The following NELL1 variants were observed in gnomAD, a reference collection of about 807,000 sequenced individuals.
NELL1 encodes the protein protein kinase C-binding protein NELL1.
NELL1 carries 76 observed loss-of-function variants against 107.4 expected under a neutral mutation model. The observed-to-expected ratio is 0.71, with a 90% CI of 0.59 to 0.86. The LOEUF (loss-of-function observed/expected upper bound fraction) is 0.86, where lower values mean the gene tolerates loss of function less well. Among genes scored for constraint, NELL1 ranks in the 40% least tolerant of loss-of-function variants. The probability of loss-of-function intolerance (pLI) is 0.00; values close to 1 mark genes in which losing one functional copy is unlikely to be tolerated. For synonymous variants in NELL1, 353 were observed against 341.2 expected, an observed-to-expected ratio of 1.03 and a Z score of -0.38; for missense variants, 1,024 against 1,005.5, an observed-to-expected ratio of 1.02 and a Z score of -0.25.
At chr11:21,571,353 C>T (rs1453243404) in intron 18 of NELL1, among the ~76,000 whole-genome samples, 1 of 151,774 alleles carries the variant, frequency 6.6e-6, no homozygotes, top group Non-Finnish European at 1.5e-5. Context: ...GAGATTTAAT[C>T]ATAGAGACCT....
chr11:20,921,924 T>A (rs191101611), intron 7 of NELL1, among the ~76,000 whole-genome samples: 1 of 152,126 alleles, frequency 6.6e-6, no homozygotes, highest in Admixed American at 6.6e-5. Context: ...ACCAGATTGC[T>A]CAGAATCAGA....
intron 3 of NELL1, among the ~76,000 whole-genome samples, chr11:20,814,235 C>T (rs945042808): frequency 6.6e-6 from 1 of 152,176 alleles, no homozygotes; most frequent in Non-Finnish European, 1.5e-5. Context: ...ACCTCGTGAT[C>T]CGCCCGCCTC....
At chr11:21,019,492 G>T (rs1043698198) in intron 12 of NELL1, among the ~76,000 whole-genome samples, 1 of 151,978 alleles carries the variant, frequency 6.6e-6, no homozygotes, top group East Asian at 1.9e-4. Flanking sequence ...TCGAATTAGG[G>T]GCTATGTGTA....
chr11:21,110,916 C>T (rs574882593), intron 12 of NELL1, among the ~76,000 whole-genome samples: 46 of 152,224 alleles, frequency 3.0e-4, no homozygotes, highest in African/African-American at 8.9e-4. Flanking sequence ...CAAGGCCTGC[C>T]GGAATCTAAA....
chr11:21,005,565 G>T (rs999237561), intron 12 of NELL1, among the ~76,000 whole-genome samples: 1 of 152,134 alleles, frequency 6.6e-6, no homozygotes. Flanking sequence ...TTATAAATGG[G>T]TAGCATGTAT....
At chr11:21,555,501 C>G (rs1369181943) in intron 16 of NELL1, among the ~76,000 whole-genome samples, 1 of 151,768 alleles carries the variant, frequency 6.6e-6, no homozygotes, top group African/African-American at 2.4e-5. Flanking sequence ...TGAGCCAAAA[C>G]AGTGTTATAT....
At chr11:21,531,328 G>A (rs1470348884) in intron 15 of NELL1, among the ~76,000 whole-genome samples, 1 of 152,088 alleles carries the variant, frequency 6.6e-6, no homozygotes, top group East Asian at 1.9e-4. Flanking sequence ...TTGAATAAAT[G>A]TATTATCTTT....
intron 4 of NELL1, among the ~76,000 whole-genome samples, chr11:20,885,180 G>A (rs1849482995): frequency 6.6e-6 from 1 of 152,116 alleles, no homozygotes; most frequent in East Asian, 1.9e-4. Flanking sequence ...AGAGTTTGTG[G>A]GCAGTTCATT....
intron 12 of NELL1, among the ~76,000 whole-genome samples, chr11:21,000,630 T>C (rs1192923016): frequency 6.6e-6 from 1 of 152,234 alleles, no homozygotes; most frequent in Non-Finnish European, 1.5e-5. Context: ...CTCCAATTTA[T>C]CTCAATGGAG....
At chr11:20,974,774 C>A (rs1464018869) in intron 12 of NELL1, among the ~76,000 whole-genome samples, 1 of 152,116 alleles carries the variant, frequency 6.6e-6, no homozygotes, top group African/African-American at 2.4e-5. Context: ...GCTTCAGTAT[C>A]TCTATTGGTC....
At chr11:20,934,433 G>A (rs1658586003) in intron 9 of NELL1, among the ~76,000 whole-genome samples, 1 of 152,220 alleles carries the variant, frequency 6.6e-6, no homozygotes, top group Admixed American at 6.5e-5. Flanking sequence ...GAGACTGGTG[G>A]ATTCGAGGGG....
intron 16 of NELL1, among the ~76,000 whole-genome samples, chr11:21,552,406 G>T (rs1856614070): frequency 6.6e-6 from 1 of 151,706 alleles, no homozygotes; most frequent in African/African-American, 2.4e-5. Context: ...TTCAGTCATG[G>T]ATAGGATCTT....
chr11:21,285,381 A>G (rs1849094033), intron 14 of NELL1, among the ~76,000 whole-genome samples: 1 of 152,198 alleles, frequency 6.6e-6, no homozygotes, highest in Admixed American at 6.5e-5. Flanking sequence ...GCTTCTCTCT[A>G]GAGGTCGTTA....
intron 14 of NELL1, among the ~76,000 whole-genome samples, chr11:21,341,468 A>G (rs1157983025): frequency 6.6e-6 from 1 of 152,242 alleles, no homozygotes; most frequent in Non-Finnish European, 1.5e-5. Flanking sequence ...AAACTCAGGC[A>G]TTTGTAAACA....
chr11:21,038,897 G>C (rs1396989096), intron 12 of NELL1, among the ~76,000 whole-genome samples: 1 of 152,162 alleles, frequency 6.6e-6, no homozygotes, highest in African/African-American at 2.4e-5. Flanking sequence ...TGTTTGCATT[G>C]TGTTCTTTCT....
chr11:21,185,398 G>C (rs558897854), intron 13 of NELL1, among the ~76,000 whole-genome samples: 1 of 149,060 alleles, frequency 6.7e-6, no homozygotes, highest in Admixed American at 6.8e-5. Flanking sequence ...AGGTTGAAGC[G>C]ATTCTCCTGC....
chr11:21,423,466 A>T lies in NELL1; in HGVS notation c.1645+52518A>T, dbSNP rs144415951. Among the ~76,000 whole-genome samples the T allele has an allele frequency of 3.2e-3, 491 of 152,212 alleles. 3 individuals are homozygous for T. Among genetic ancestry groups the T allele is most frequent in the African/African-American group, 0.011 (461 of 41,502 alleles). ...TACAAACATTTAAACAATAATAAAA[A>T]ACAAAAATAAATAAAACAAAAGTGA... On this transcript the variant is annotated intron_variant, in intron 15 of 19. Coordinates refer to ENST00000357134, the MANE Select transcript of NELL1 (RefSeq NM_006157.5).
chr11:20,900,090 G>A (rs1244327336), intron 5 of NELL1, among the ~76,000 whole-genome samples: 1 of 152,090 alleles, frequency 6.6e-6, no homozygotes, highest in East Asian at 1.9e-4. Context: ...TATTCTCCAT[G>A]GGTTCATTTG....
chr11:20,807,167 G>A (rs1279108795), intron 3 of NELL1, among the ~76,000 whole-genome samples: 2 of 152,026 alleles, frequency 1.3e-5, no homozygotes, highest in Non-Finnish European at 2.9e-5. Context: ...GTCTGGGCTT[G>A]ATTGTACCTA....
Sources: gnomAD v4.1 joint callset for allele counts (sites outside exome capture counted in the v4.1 genomes callset) on GRCh38, gnomAD v4.1.1 for gene constraint, MANE v1.5 for transcripts, NCBI Gene and HGNC (gene_info 2026-07-23, HGNC 2026-07-21) for gene names.